The following CD36 variants were observed in gnomAD, a reference collection of about 807,000 sequenced individuals.
CD36 encodes the protein CD36 molecule (CD36 blood group).
CD36 carries 119 observed loss-of-function variants against 55.2 expected under a neutral mutation model. The observed-to-expected ratio is 2.15, with a 90% confidence interval of 1.86 to 2.51. The LOEUF (loss-of-function observed/expected upper bound fraction) is 2.51. CD36 is among the 30% of genes most tolerant of loss of function. The pLI, the probability that CD36 is intolerant of heterozygous loss-of-function variation, is 0.00. For missense variants in CD36, 819 were observed against 555.5 expected (o/e 1.47, Z -4.77); for synonymous variants, 186 against 193.6 (o/e 0.96, Z 0.33).
chr7:80,670,473 T>C (rs190248639), intron 9 of CD36: 36 of 228,842 alleles, frequency 1.6e-4, no homozygotes, highest in Non-Finnish European at 2.6e-4. Context: ...ATTTTTTTCT[T>C]ATCTGTACAA....
At chr7:80,640,016 G>C (rs1794703416) in intron 1 of CD36, 1 of 151,942 alleles carries the variant, frequency 6.6e-6, no homozygotes, top group African/African-American at 2.4e-5. Flanking sequence ...TTTTAACCTT[G>C]TTTACTTTAA....
rs1457949901 is a variant in CD36, at chr7:80,670,033, T to C, written c.818+11T>C. On this transcript the variant is annotated intron_variant, in intron 9 of 14. Coordinates refer to ENST00000447544, the MANE Select transcript of CD36 (RefSeq NM_001001548.3). ...TTCTGATATTTGCAGGTAAGACAGATACTGAAGTATAAGTATGTCTGAGTC... is the reference window on the plus strand; with the variant it reads ...TTCTGATATTTGCAGGTAAGACAGACACTGAAGTATAAGTATGTCTGAGTC... The C allele has an allele frequency of 6.5e-7, 1 of 1,550,166 alleles. No homozygotes were observed. Among genetic ancestry groups the C allele is most frequent in the Admixed American group, 1.7e-5 (1 of 59,942 alleles).
In CD36 at chr7:80,666,490, G is replaced by T; in HGVS notation, c.748+1G>T. 6.2e-7 allele frequency: 1 copy of T among 1,605,130 alleles called. No individual in the cohort carries two copies. The highest frequency in any genetic ancestry group is 1.7e-5 in the Admixed American group (1 of 59,990). Reference sequence around the variant, plus strand: ...CACTGCGACATGATTAATGGTACAGGTAAGAATATTTGTTTTGTGGTCATC... The same window carrying T: ...CACTGCGACATGATTAATGGTACAGTTAAGAATATTTGTTTTGTGGTCATC... On this transcript the variant is annotated splice_donor_variant, in intron 8 of 14. Transcript: ENST00000447544. LOFTEE classifies it high-confidence loss of function.
At chr7:80,660,288 T>G (rs1796419157) in intron 4 of CD36, among the ~76,000 whole-genome samples, 1 of 152,184 alleles carries the variant, frequency 6.6e-6, no homozygotes, top group Admixed American at 6.5e-5. Flanking sequence ...AGATTAGAAC[T>G]AGCAAAAGTA....
intron 1 of CD36, among the ~76,000 whole-genome samples, chr7:80,604,224 C>T (rs111529887): frequency 2.0e-5 from 3 of 151,864 alleles, no homozygotes; most frequent in African/African-American, 7.2e-5. Flanking sequence ...AATAAATGCT[C>T]ATCAGGAAAA....
chr7:80,650,927 C>CAGAAAA (rs367918733), intron 3 of CD36, among the ~76,000 whole-genome samples: 2 of 133,542 alleles, frequency 1.5e-5, no homozygotes, highest in East Asian at 4.4e-4. Flanking sequence ...TGCAGTCTTT[C>CAGAAAA]AAAAAAAAAA....
At position 80,664,458 on chromosome 7, in the gene CD36, T is replaced by C; in HGVS notation, c.662T>C (p.Ile221Thr). ...VYKVFNGKDN[I>T]SKVAIIDTYK... is the part of the protein sequence containing the mutation. ...AAAGTTTTCAATGGAAAAGATAACA[T>C]AAGTAAAGTTGCCATAATCGACACA... is the stretch of plus-strand genomic sequence containing the variant. Residue 221 changes from isoleucine to threonine, a missense_variant, in exon 7 of 15, where the codon ATA (isoleucine) becomes ACA (threonine). Coordinates refer to ENST00000447544, the MANE Select transcript of CD36 (RefSeq NM_001001548.3). The C allele has an allele frequency of 1.3e-6, 2 of 1,583,584 alleles. No homozygotes were observed. The highest frequency in any genetic ancestry group is 1.7e-6 in the Non-Finnish European group (2 of 1,152,564).
chr7:80,612,044 A>G (rs991985431), intron 1 of CD36, among the ~76,000 whole-genome samples: 9 of 152,238 alleles, frequency 5.9e-5, no homozygotes, highest in African/African-American at 2.2e-4. Context: ...GCCTGTGCCC[A>G]GAAACAGCAA....
rs745750711 is a variant in CD36 at position 80,671,151 on chromosome 7, C to T, written c.993C>T (p.Ser331=). 1 of 1,608,566 alleles carries T rather than the reference C, an allele frequency of 6.2e-7. No individual in the cohort carries two copies. The highest frequency in any genetic ancestry group is 1.3e-5 in the African/African-American group (1 of 74,760). ...CATCATATGGTGTGCTAGACATCAG[C>T]AAATGCAAAGAAGGTGAGTAAATAA... The part of the protein sequence containing the change: ...NCTSYGVLDI[S]KCKEGRPVYI... Residue 331 remains serine, a synonymous_variant, in exon 10 of 15, where the codon AGC becomes AGT. Coordinates refer to ENST00000447544, the MANE Select transcript of CD36 (RefSeq NM_001001548.3).
intron 1 of CD36, among the ~76,000 whole-genome samples, chr7:80,615,033 G>A (rs1015417237): frequency 1.3e-5 from 2 of 151,548 alleles, no homozygotes; most frequent in Non-Finnish European, 2.9e-5. Flanking sequence ...TGACTCTTAG[G>A]GCTTGCTTTC....
In CD36 at chr7:80,674,019, A is replaced by G. The variant is rs140728267; in HGVS notation, c.1291A>G (p.Arg431Gly). The G allele has an allele frequency of 6.2e-7, 1 of 1,612,428 alleles. No homozygotes were observed. The highest frequency in any genetic ancestry group is 1.7e-5 in the Admixed American group (1 of 59,910). Residue 431 changes from arginine (R) to glycine (G), a missense_variant, in exon 14 of 15, where the codon AGA becomes GGA. Coordinates refer to ENST00000447544, the MANE Select transcript of CD36 (RefSeq NM_001001548.3). The part of the protein sequence containing the change: ...TIGDEKANMF[R>G]SQVTGKINLL... ...TGGTGATGAGAAGGCAAACATGTTC[A>G]GAAGTCAAGTAACTGGAAAAATAAA...
chr7:80,614,072 C>G (rs535633909), intron 1 of CD36, among the ~76,000 whole-genome samples: 1 of 152,110 alleles, frequency 6.6e-6, no homozygotes, highest in Non-Finnish European at 1.5e-5. Context: ...AGCATTAATG[C>G]CAATCAGCTT....
intron 1 of CD36, among the ~76,000 whole-genome samples, chr7:80,619,162 G>A (rs915930247): frequency 6.6e-6 from 1 of 152,144 alleles, no homozygotes; most frequent in African/African-American, 2.4e-5. Context: ...AACAAAGCCT[G>A]GATGCCAGCA....
Position 80,674,146 on chromosome 7 carries a change from A to C in CD36, c.1418A>C (p.Ter473SerextTer15), listed in dbSNP as rs570171917. The C allele has an allele frequency of 3.8e-5, 60 of 1,561,188 alleles. No individual in the cohort carries two copies. The highest frequency in any genetic ancestry group is 5.3e-5 in the Non-Finnish European group (60 of 1,138,644). ...GCATGCAGATCGAAAACAATAAAAT[A>C]AGTAAGTATGTACCAAAAAATATTG... ...YCACRSKTIK[*>S] The change falls in exon 14 of 15, where the codon TAA becomes TCA. Residue 473 changes from the stop codon to serine (S), a stop_lost and splice_region_variant. Transcript: ENST00000447544.
At position 80,657,784 on chromosome 7, in the gene CD36, C is replaced by T. The variant is rs550479086; in HGVS notation, c.281+1084C>T. ...TATGTTCTGCTATAGAATTTGTTAC[C>T]TAAATGTGTATTTTCCCTCATGGAT... On this transcript the variant is annotated intron_variant, in intron 4 of 14. Transcript: ENST00000447544. Among the ~76,000 whole-genome samples the T allele has an allele frequency of 3.3e-5, 5 of 152,280 alleles. No homozygotes were observed. In the East Asian group the frequency reaches 7.7e-4, roughly 24 times the overall value.
intron 8 of CD36, among the ~76,000 whole-genome samples, chr7:80,669,125 T>G (rs1797400975): frequency 6.6e-6 from 1 of 152,186 alleles, no homozygotes; most frequent in Admixed American, 6.5e-5. Flanking sequence ...TGAACTTCAC[T>G]GGAAGAAAAG....
At chr7:80,643,503 T>G (rs1252369368) in intron 1 of CD36, among the ~76,000 whole-genome samples, 1 of 152,186 alleles carries the variant, frequency 6.6e-6, no homozygotes, top group Non-Finnish European at 1.5e-5. Context: ...ACTGGGGGTT[T>G]CCTGCTGCAT....
rs1798225119 is a variant in CD36, at chr7:80,678,311, G to C, written c.*1928G>C. 1 of 152,060 alleles carries C rather than the reference G, an allele frequency of 6.6e-6. No individual in the cohort carries two copies. The highest frequency in any genetic ancestry group is 1.5e-5 in the Non-Finnish European group (1 of 68,002). The allele number at this position is 152,060 out of a possible 1,614,324, so 9.4% of individuals were successfully genotyped here. ...GAAGCACATTTTCTTTCCAAAGCTG[G>C]TTATTAACCACAGAATTATAGCAGG... is the stretch of plus-strand genomic sequence containing the variant. On this transcript the variant is annotated 3_prime_UTR_variant, in exon 15 of 15. Transcript: ENST00000447544.
Position 80,662,976 on chromosome 7 carries a change from CT to C in CD36, c.430-11del, listed in dbSNP as rs746411946. On this transcript the variant is annotated splice_polypyrimidine_tract_variant and intron_variant, in intron 5 of 14. Transcript: ENST00000447544. ...ATTGTATTCTTGTCTTAAACAGTGA[CT>C]TTGTTTTTGTAGGCTGCATCCCATA... The C allele has an allele frequency of 6.3e-7, 1 of 1,599,508 alleles. No individual in the cohort carries two copies. Among genetic ancestry groups the C allele is most frequent in the South Asian group, 1.1e-5 (1 of 90,652 alleles).
Sources: allele counts gnomAD v4.1 joint callset (sites outside exome capture counted in the v4.1 genomes callset), GRCh38; gene constraint gnomAD v4.1.1; transcripts MANE v1.5; gene names NCBI Gene and HGNC (gene_info 2026-07-23, HGNC 2026-07-21).